Variants in SEC14L1 observed in about 807,000 individuals in gnomAD.
SEC14L1 encodes SEC14 like lipid binding 1, also known as SEC14-like protein 1.
In SEC14L1, 48 loss-of-function variants were observed where a neutral mutation model predicts 85.3. That is an observed-to-expected ratio of 0.56 (90% CI 0.45 to 0.72). The LOEUF (loss-of-function observed/expected upper bound fraction) is 0.72. Ranked by LOEUF, SEC14L1 falls within the 30% of genes least tolerant of loss-of-function variation. SEC14L1 has a pLI of 0.00. For missense variants in SEC14L1, 682 were observed against 921.4 expected (o/e 0.74, Z 3.36); for synonymous variants, 391 against 355.5 (o/e 1.10, Z -1.12).
At chr17:77,125,998 A>T (rs1264327099) in intron 3 of SEC14L1, among the ~76,000 whole-genome samples, 2 of 152,210 alleles carry the variant, frequency 1.3e-5, no homozygotes, top group Admixed American at 6.5e-5. Context: ...CAAAAATATA[A>T]AAATTAGCTG....
chr17:77,090,835 A>G (rs1362438128), intron 2 of SEC14L1, among the ~76,000 whole-genome samples: 1 of 151,974 alleles, frequency 6.6e-6, no homozygotes, highest in Admixed American at 6.6e-5. Context: ...CAAAATCAAA[A>G]AAGTAAGCTG....
chr17:77,209,724 T>TC (rs1976653318), intron 14 of SEC14L1: 1 of 371,194 alleles, frequency 2.7e-6, no homozygotes, highest in Non-Finnish European at 4.8e-6. Flanking sequence ...TCTCTTGACC[T>TC]CCATTTTACT....
intron 9 of SEC14L1, among the ~76,000 whole-genome samples, chr17:77,201,306 G>A (rs779696715): frequency 3.3e-5 from 5 of 152,190 alleles, no homozygotes; most frequent in African/African-American, 4.8e-5. Flanking sequence ...AATTGGAAAC[G>A]TCGGCGAGAG....
rs960127940 is a variant in SEC14L1, at chr17:77,198,398, G to A, written c.820-2086G>A. On this transcript the variant is annotated intron_variant, in intron 8 of 16. Coordinates refer to ENST00000436233, the MANE Select transcript of SEC14L1 (RefSeq NM_001143998.2). ...TTTGTGAAAGTTGAACATTACTAGC[G>A]AAGTCCAGTCACATCTTTAGAAGGG... is the stretch of plus-strand genomic sequence containing the variant. 9.9e-5 allele frequency among the ~76,000 whole-genome samples: 15 copies of A among 152,136 alleles called. 1 individual carries two copies. The highest frequency in any genetic ancestry group is 2.7e-4 in the African/African-American group (11 of 41,418).
chr17:77,136,920 T>G (rs1972816646), upstream of SEC14L1, among the ~76,000 whole-genome samples: 3 of 151,904 alleles, frequency 2.0e-5, no homozygotes, highest in South Asian at 4.1e-4. Flanking sequence ...TCTTTTTTTT[T>G]TTTTTTGAGA....
chr17:77,101,348 T>C (rs1227278179), intron 3 of SEC14L1, among the ~76,000 whole-genome samples: 1 of 152,106 alleles, frequency 6.6e-6, no homozygotes, highest in South Asian at 2.1e-4. Context: ...AGGCTAATTT[T>C]TGTATTTTTA....
intron 3 of SEC14L1, among the ~76,000 whole-genome samples, chr17:77,144,381 T>C (rs1973184600): frequency 1.3e-5 from 2 of 152,108 alleles, no homozygotes; most frequent in Admixed American, 6.5e-5. Context: ...AACCAGAACA[T>C]GGCAACCCAG....
intron 3 of SEC14L1, among the ~76,000 whole-genome samples, chr17:77,162,157 C>T (rs1178631581): frequency 6.6e-6 from 1 of 152,180 alleles, no homozygotes; most frequent in Non-Finnish European, 1.5e-5. Flanking sequence ...AGTCCTGGCG[C>T]TCGGCGGGGG....
Position 77,216,485 on chromosome 17 carries a change from G to C in SEC14L1, c.*2462G>C. On this transcript the variant is annotated 3_prime_UTR_variant, in exon 17 of 17. Coordinates refer to ENST00000436233, the MANE Select transcript of SEC14L1 (RefSeq NM_001143998.2). Reference sequence around the variant, plus strand: ...GTGCTGCTTCCACCTGGTGCTTCCTGTTCCCAAATCACAAGGGCCTGAAGG... The same window carrying C: ...GTGCTGCTTCCACCTGGTGCTTCCTCTTCCCAAATCACAAGGGCCTGAAGG... 1.2e-6 allele frequency: 2 copies of C among 1,612,562 alleles called. No individual in the cohort carries two copies. The highest frequency in any genetic ancestry group is 1.1e-5 in the South Asian group (1 of 91,060).
intron 3 of SEC14L1, among the ~76,000 whole-genome samples, chr17:77,157,964 A>C (rs984098835): frequency 6.6e-6 from 1 of 152,090 alleles, no homozygotes; most frequent in African/African-American, 2.4e-5. Context: ...TACTTCTCCA[A>C]ATTGCTGTTC....
chr17:77,159,382 C>CT (rs763082986), intron 3 of SEC14L1, among the ~76,000 whole-genome samples: 8,925 of 118,178 alleles, frequency 0.076, 391 homozygotes, highest in East Asian at 0.28. Flanking sequence ...TCTTCTTCTT[C>CT]TTTTTTTTTT....
At chr17:77,115,916 CTTT>C (rs377514435) in intron 3 of SEC14L1, among the ~76,000 whole-genome samples, 1 of 144,528 alleles carries the variant, frequency 6.9e-6, no homozygotes. Context: ...TTTGACTCTC[CTTT>C]TTTTTTTTTT....
At chr17:77,174,210 C>T (rs117540628) in intron 3 of SEC14L1, among the ~76,000 whole-genome samples, 2,241 of 152,212 alleles carry the variant, frequency 0.015, 48 homozygotes, top group Admixed American at 0.041. Context: ...TGAGCCACTG[C>T]GCCTGGCCTC....
chr17:77,125,911 G>A (rs1219982355), intron 3 of SEC14L1, among the ~76,000 whole-genome samples: 1 of 152,208 alleles, frequency 6.6e-6, no homozygotes, highest in African/African-American at 2.4e-5. Flanking sequence ...CAACACTTTG[G>A]GAGGCCCAGG....
chr17:77,199,749 G>T (rs539439265), intron 8 of SEC14L1, among the ~76,000 whole-genome samples: 2 of 152,038 alleles, frequency 1.3e-5, no homozygotes, highest in Non-Finnish European at 2.9e-5. Flanking sequence ...TTGCGGAAAC[G>T]AAAATGAAAT....
intron 3 of SEC14L1, among the ~76,000 whole-genome samples, chr17:77,182,151 A>G (rs1487297426): frequency 2.0e-5 from 3 of 152,142 alleles, no homozygotes; most frequent in Non-Finnish European, 4.4e-5. Context: ...TAAACTGGGT[A>G]TGAACATAGC....
intron 3 of SEC14L1, among the ~76,000 whole-genome samples, chr17:77,169,239 T>G (rs1308462521): frequency 6.6e-6 from 1 of 152,124 alleles, no homozygotes; most frequent in African/African-American, 2.4e-5. Flanking sequence ...CTGTTAGGTC[T>G]CCGAGGGACG....
At chr17:77,164,143 T>C (rs780678235) in intron 3 of SEC14L1, among the ~76,000 whole-genome samples, 6 of 152,246 alleles carry the variant, frequency 3.9e-5, no homozygotes, top group Non-Finnish European at 8.8e-5. Flanking sequence ...ACTAAGTGAT[T>C]GCCCTGACCT....
At position 77,206,990 on chromosome 17, in the gene SEC14L1, T is replaced by A; in HGVS notation, c.1476+128T>A. ...TGTTTTGTTTTTGTTTTGTTTCTTT[T>A]GGCCGCCATTTCTCTGATCCAGGGT... On this transcript the variant is annotated intron_variant, in intron 13 of 16. Coordinates refer to ENST00000436233, the MANE Select transcript of SEC14L1 (RefSeq NM_001143998.2). This position sits in a 1 kb window ranked among gnomAD's most constrained non-coding sequence, Gnocchi z 4.3. The A allele has an allele frequency of 1.0e-6, 1 of 1,001,408 alleles. No homozygotes were observed. Among genetic ancestry groups the A allele is most frequent in the Non-Finnish European group, 1.4e-6 (1 of 703,022 alleles). The allele number at this position is 1,001,408 out of a possible 1,614,324, so 62.0% of individuals were successfully genotyped here. A position where few individuals can be genotyped will look rare whatever the true frequency, so the allele number is the denominator to read the frequency against.
Sources: gnomAD v4.1 joint callset for allele counts (sites outside exome capture counted in the v4.1 genomes callset) on GRCh38, gnomAD v4.1.1 for gene constraint, Gnocchi (gnomAD v3.1) non-coding constraint, MANE v1.5 for transcripts, NCBI Gene and HGNC (gene_info 2026-07-23, HGNC 2026-07-21) for gene names.